Variants in MAD2L1BP observed in about 807,000 individuals in gnomAD.
The protein encoded by MAD2L1BP is MAD2L1 binding protein, also known as MAD2L1-binding protein.
MAD2L1BP carries 22 observed loss-of-function variants against 28.4 expected under a neutral mutation model. The ratio of observed to expected loss-of-function variants is 0.77; its 90% CI spans 0.55 to 1.10. The LOEUF (loss-of-function observed/expected upper bound fraction) is 1.10. MAD2L1BP is among the 50% of genes least tolerant of loss of function. The pLI, the probability that MAD2L1BP is intolerant of heterozygous loss-of-function variation, is 0.00. For synonymous variants in MAD2L1BP, 146 were observed against 133.7 expected, an observed-to-expected ratio of 1.09 and a Z score of -0.63; for missense variants, 325 against 350.5, an observed-to-expected ratio of 0.93 and a Z score of 0.58.
chr6:43,631,912 G>GT (rs1406262691), upstream of MAD2L1BP, among the ~76,000 whole-genome samples: 1 of 152,096 alleles, frequency 6.6e-6, no homozygotes, highest in African/African-American at 2.4e-5. Flanking sequence ...TTGTTTGTTT[G>GT]TTTTTTGATG....
intron 2 of MAD2L1BP, 134 bp downstream of exon 2, chr6:43,636,780 C>G (rs575801361): frequency 9.6e-7 from 1 of 1,037,448 alleles, no homozygotes; most frequent in Admixed American, 2.4e-5. Flanking sequence ...GTCACTTTCT[C>G]CCCACTCTAG....
At chr6:43,636,240 C>T in intron 1 of MAD2L1BP, 141 bp from the exon 2 acceptor site, 1 of 777,206 alleles carries the variant, frequency 1.3e-6, no homozygotes, top group Non-Finnish European at 2.1e-6. Context: ...ACGGCCCATA[C>T]TGTAGGCTGC....
chr6:43,636,800 G>C, intron 2 of MAD2L1BP, 154 bp downstream of exon 2: 1 of 840,900 alleles, frequency 1.2e-6, no homozygotes, highest in Non-Finnish European at 1.8e-6. Context: ...GTCTTTGGTA[G>C]CCTAACCCTT....
rs1219986725 is a variant in MAD2L1BP at position 43,640,304 on chromosome 6, C to T, written c.596C>T (p.Ala199Val). ...RLFRAIFMAD[A>V]FSELQAPPLM... ...TTCCGAGCCATATTCATGGCTGATGCCTTTAGCGAGCTTCAGGCTCCTCCA... is the reference window on the plus strand; with the variant it reads ...TTCCGAGCCATATTCATGGCTGATGTCTTTAGCGAGCTTCAGGCTCCTCCA... Residue 199 changes from alanine to valine, a missense_variant, in exon 3 of 3, where the codon GCC becomes GTC. Physicochemically the swap from Ala to Val is moderately conservative, Grantham distance 64. Coordinates refer to ENST00000372171, the MANE Select transcript of MAD2L1BP (RefSeq NM_014628.3). 6.2e-7 allele frequency: 1 copy of T among 1,613,516 alleles called. No homozygotes were observed. The highest frequency in any genetic ancestry group is 1.7e-5 in the Admixed American group (1 of 59,974).
At chr6:43,631,585 G>A (rs1180299003), upstream of MAD2L1BP, among the ~76,000 whole-genome samples, 1 of 152,114 alleles carries the variant, frequency 6.6e-6, no homozygotes, top group Non-Finnish European at 1.5e-5. Flanking sequence ...CCCTGCTCAA[G>A]CAGATCCTCC....
At chr6:43,631,448 G>C (rs1769923167), upstream of MAD2L1BP, among the ~76,000 whole-genome samples, 1 of 152,170 alleles carries the variant, frequency 6.6e-6, no homozygotes, top group African/African-American at 2.4e-5. Flanking sequence ...GCACTTGTCT[G>C]ATAACATGTG....
chr6:43,629,600 T>G (rs912409987), exon 1 of MAD2L1BP: 2 of 789,998 alleles, frequency 2.5e-6, no homozygotes, highest in Non-Finnish European at 4.3e-6. Flanking sequence ...GTAGAAGAGC[T>G]TACATCAGAA....
At chr6:43,636,208 G>A (rs1210842435) in intron 1 of MAD2L1BP, among the ~76,000 whole-genome samples, 173 bp from the exon 2 acceptor site, 3 of 152,176 alleles carry the variant, frequency 2.0e-5, no homozygotes, top group Non-Finnish European at 4.4e-5. Flanking sequence ...CAGGCAACAG[G>A]GATCAGGAAT....
chr6:43,636,166 C>G (rs924635333), intron 1 of MAD2L1BP, among the ~76,000 whole-genome samples: 6 of 152,104 alleles, frequency 3.9e-5, no homozygotes, highest in Non-Finnish European at 7.4e-5. Context: ...CTCCGAAATC[C>G]CCCCACTATC....
In MAD2L1BP at chr6:43,630,753, A is replaced by AG. The variant is rs1379270182; in HGVS notation, c.20+984_20+985insG. The stretch of plus-strand genomic sequence containing the variant: ...GCGAGACTCCAACTAAAAAAAAAAA[A>AG]AAAAAATTAGCCCAGCATGATGGTG... On this transcript the variant is annotated intron_variant, in intron 1 of 3. Transcript: ENST00000451025. 1.0e-3 allele frequency among the ~76,000 whole-genome samples: 159 copies of AG among 151,476 alleles called. 1 individual carries two copies. Among genetic ancestry groups the AG allele is most frequent in the Non-Finnish European group, 2.0e-3 (138 of 67,832 alleles).
chr6:43,633,568 T>C (rs1770044743), upstream of MAD2L1BP, among the ~76,000 whole-genome samples: 1 of 151,992 alleles, frequency 6.6e-6, no homozygotes, highest in Non-Finnish European at 1.5e-5. Context: ...ACTTATTTAA[T>C]TTATTTATTT....
rs1770516025 is a variant in MAD2L1BP at position 43,640,767 on chromosome 6, G to T, written c.*234G>T. ...TTTGAATCAAAGGTTGATTTTCCCA[G>T]AGGGTGCTGGGTCAGGCATTTCTAT... On this transcript the variant is annotated 3_prime_UTR_variant, in exon 3 of 3. Coordinates refer to ENST00000372171, the MANE Select transcript of MAD2L1BP (RefSeq NM_014628.3). 2.0e-6 allele frequency: 1 copy of T among 510,810 alleles called. No individual in the cohort carries two copies. The highest frequency in any genetic ancestry group is 3.4e-6 in the Non-Finnish European group (1 of 293,534). The allele number at this position is 510,810 out of a possible 1,614,324, so 31.6% of individuals were successfully genotyped here.
Position 43,640,185 on chromosome 6 carries a change from A to G in MAD2L1BP, c.477A>G (p.Leu159=). The change falls in exon 3 of 3, where the codon CTA becomes CTG. Residue 159 remains leucine, a synonymous_variant. Coordinates refer to ENST00000372171, the MANE Select transcript of MAD2L1BP (RefSeq NM_014628.3). The part of the protein sequence containing the change: ...RVLILLGGNA[L]SPKEFYELDL... ...TGATTCTCCTTGGGGGCAATGCCCT[A>G]AGCCCCAAGGAGTTCTATGAACTCG... 1 of 1,613,752 alleles carries G rather than the reference A, an allele frequency of 6.2e-7. No homozygotes were observed. The highest frequency in any genetic ancestry group is 8.5e-7 in the Non-Finnish European group (1 of 1,179,796).
chr6:43,635,962 T>C (rs1170731248), intron 1 of MAD2L1BP, 41 bp downstream of exon 1: 3 of 1,521,042 alleles, frequency 2.0e-6, no homozygotes, highest in Non-Finnish European at 2.7e-6. Context: ...CTTGGGGACT[T>C]GTTTCTTCCC....
chr6:43,640,215 G>T lies in MAD2L1BP; in HGVS notation c.507G>T (p.Leu169Phe). ...CCAAGGAGTTCTATGAACTCGACTTGTCTCTGCTGGCCCCCTACAGCGTGG... is the reference window on the plus strand; with the variant it reads ...CCAAGGAGTTCTATGAACTCGACTTTTCTCTGCTGGCCCCCTACAGCGTGG... ...LSPKEFYELD[L>F]SLLAPYSVDQ... Residue 169 changes from leucine (L) to phenylalanine (F), a missense_variant, in exon 3 of 3, where the codon TTG (leucine) becomes TTT (phenylalanine). Physicochemically the swap from Leu to Phe is conservative, Grantham distance 22. Coordinates refer to ENST00000372171, the MANE Select transcript of MAD2L1BP (RefSeq NM_014628.3). The T allele has an allele frequency of 6.2e-7, 1 of 1,613,968 alleles. No individual in the cohort carries two copies. Among genetic ancestry groups the T allele is most frequent in the Non-Finnish European group, 8.5e-7 (1 of 1,179,970 alleles).
intron 2 of MAD2L1BP, among the ~76,000 whole-genome samples, chr6:43,638,645 A>G (rs942663577): frequency 1.2e-4 from 18 of 151,786 alleles, no homozygotes; most frequent in Admixed American, 1.3e-4. Context: ...AAATACAAAA[A>G]ATTAGCCGGG....
rs765855834 is a variant in MAD2L1BP, at chr6:43,640,139, G to A, written c.431G>A (p.Arg144Gln). ...VLSHLEDFFA[R>Q]TLVPRVLILL... Reference sequence around the variant, plus strand: ...AGCCACCTGGAGGACTTCTTTGCACGGACACTAGTACCGCGAGTGCTGATT... The same window carrying A: ...AGCCACCTGGAGGACTTCTTTGCACAGACACTAGTACCGCGAGTGCTGATT... Residue 144 changes from arginine to glutamine, a missense_variant, in exon 3 of 3, where the codon CGG (arginine) becomes CAG (glutamine). Arg to Gln is a conservative substitution (Grantham distance 43). Coordinates refer to ENST00000372171, the MANE Select transcript of MAD2L1BP (RefSeq NM_014628.3). The A allele has an allele frequency of 9.9e-6, 16 of 1,611,414 alleles. No individual in the cohort carries two copies. The South Asian group carries it at 1.1e-4, about 11-fold the overall frequency.
upstream of MAD2L1BP, among the ~76,000 whole-genome samples, chr6:43,635,633 A>G (rs1250080257): frequency 6.6e-6 from 1 of 152,268 alleles, no homozygotes; most frequent in African/African-American, 2.4e-5. Context: ...TCTTTTAGAA[A>G]GCAGCGCTCA....
chr6:43,630,233 G>C (rs1427354857), intron 1 of MAD2L1BP, among the ~76,000 whole-genome samples: 3 of 152,120 alleles, frequency 2.0e-5, no homozygotes, highest in Admixed American at 6.5e-5. Context: ...CTTTAGTGCT[G>C]TTGCACTCTA....
Sources: gnomAD v4.1 joint callset for allele counts (sites outside exome capture counted in the v4.1 genomes callset) on GRCh38, gnomAD v4.1.1 for gene constraint, MANE v1.5 for transcripts, NCBI Gene and HGNC (gene_info 2026-07-23, HGNC 2026-07-21) for gene names.